The following DISC1 variants were observed in gnomAD, a reference collection of about 807,000 sequenced individuals.
The protein encoded by DISC1 is DISC1 scaffold protein.
DISC1 carries 57 observed loss-of-function variants against 84.5 expected under a neutral mutation model. The ratio of observed to expected loss-of-function variants is 0.67; its 90% CI spans 0.55 to 0.84. The LOEUF (loss-of-function observed/expected upper bound fraction) is 0.84, where lower values mean the gene tolerates loss of function less well. Among genes scored for constraint, DISC1 ranks in the 40% least tolerant of loss-of-function variants. The probability of loss-of-function intolerance (pLI) is 0.00; values close to 1 mark genes in which losing one functional copy is unlikely to be tolerated. For synonymous variants in DISC1, 411 were observed against 415.2 expected (o/e 0.99, Z 0.12); for missense variants, 1,000 against 1,057.8 (o/e 0.95, Z 0.76).
At chr1:231,776,439 T>C (rs2076969276) in intron 6 of DISC1, among the ~76,000 whole-genome samples, 1 of 152,174 alleles carries the variant, frequency 6.6e-6, no homozygotes, top group African/African-American at 2.4e-5. Flanking sequence ...GCACAAAGTG[T>C]GAAACAAACT....
At chr1:231,686,082 G>C (rs983381924) in intron 1 of DISC1, among the ~76,000 whole-genome samples, 1 of 152,136 alleles carries the variant, frequency 6.6e-6, no homozygotes, top group Admixed American at 6.5e-5. Flanking sequence ...CGCTTTGCAG[G>C]GTACAGCCTC....
intron 9 of DISC1, among the ~76,000 whole-genome samples, chr1:231,950,198 A>G (rs1364675747): frequency 8.2e-6 from 1 of 121,748 alleles, no homozygotes; most frequent in African/African-American, 3.0e-5. Context: ...AGAATGAAAA[A>G]AAATTCTGTG....
chr1:231,767,388 G>A, intron 5 of DISC1, 119 bp downstream of exon 5: 1 of 1,419,492 alleles, frequency 7.0e-7, no homozygotes, highest in Non-Finnish European at 9.6e-7. Context: ...TTGCAGCCTT[G>A]AGCTCCTGGG....
chr1:231,764,498 A>G (rs1370593079), intron 4 of DISC1, among the ~76,000 whole-genome samples: 1 of 152,132 alleles, frequency 6.6e-6, no homozygotes, highest in African/African-American at 2.4e-5. Context: ...TATTTTTACA[A>G]TGGTTCATTT....
At chr1:231,658,152 T>C (rs2061290326) in intron 1 of DISC1, among the ~76,000 whole-genome samples, 1 of 152,236 alleles carries the variant, frequency 6.6e-6, no homozygotes, top group South Asian at 2.1e-4. Flanking sequence ...CTGTACGATT[T>C]CTTTGAGCAA....
Position 231,777,432 on chromosome 1 carries a change from G to T in DISC1, c.1634+6362G>T, listed in dbSNP as rs1281236433. On this transcript the variant is annotated intron_variant, in intron 6 of 12. Transcript: ENST00000439617. ...GATGGGGGTCTTGCTATGTTGCCAG[G>T]TTAGACTTGAACTCCTGTCCTCAAG... Among the ~76,000 whole-genome samples, 4 of 152,086 alleles carry T rather than the reference G, an allele frequency of 2.6e-5. No individual in the cohort carries two copies. In the East Asian group the frequency reaches 7.7e-4, roughly 29 times the overall value.
In DISC1 at chr1:231,673,858, C is replaced by T. The variant is rs190236986; in HGVS notation, c.68-19968C>T. ...TGAGTAATTATACTTTTGGGGCTCA[C>T]GTTTGAGTATTGACAACTGTGAAAA... On this transcript the variant is annotated intron_variant, in intron 1 of 12. Transcript: ENST00000439617. Among the ~76,000 whole-genome samples the T allele has an allele frequency of 5.6e-4, 86 of 152,280 alleles. 2 individuals carry two copies. The highest frequency in any genetic ancestry group is 3.4e-3 in the Middle Eastern group (1 of 294).
intron 9 of DISC1, among the ~76,000 whole-genome samples, chr1:231,924,823 A>T (rs1031071370): frequency 2.0e-5 from 3 of 151,452 alleles, no homozygotes; most frequent in Non-Finnish European, 2.9e-5. Context: ...TGCCTGGCTA[A>T]TTTTTTGTAT....
At position 231,875,956 on chromosome 1, in the gene DISC1, G is replaced by A. The variant is rs575296594; in HGVS notation, c.1981+57439G>A. ...GGCCATGGTGTAGCCCATTAACTCA[G>A]CTTCCTAGGAATGCTCTTGAACTAG... is the stretch of plus-strand genomic sequence containing the variant. On this transcript the variant is annotated intron_variant, in intron 9 of 12. Coordinates refer to ENST00000439617, the MANE Select transcript of DISC1 (RefSeq NM_018662.3). Among the ~76,000 whole-genome samples the A allele has an allele frequency of 2.0e-5, 3 of 152,288 alleles. No homozygotes were observed. In the South Asian group the frequency reaches 6.2e-4, roughly 32 times the overall value.
rs1465951278 is a variant in DISC1, at chr1:231,897,348, AC to A, written c.1982-61479del. On this transcript the variant is annotated intron_variant, in intron 9 of 12. Transcript: ENST00000439617. This position sits in a 1 kb window ranked among gnomAD's most constrained non-coding sequence, Gnocchi z 4.5. ...GTGTCTTTTCCTTGAAATGAATGGA[AC>A]TTTTTGATTTTTTATCCTTACTTTT... Among the ~76,000 whole-genome samples the A allele has an allele frequency of 1.3e-5, 2 of 151,844 alleles. No individual in the cohort carries two copies. The highest frequency in any genetic ancestry group is 6.6e-5 in the Admixed American group (1 of 15,252).
intron 9 of DISC1, among the ~76,000 whole-genome samples, chr1:231,856,979 T>C (rs935537741): frequency 1.3e-5 from 2 of 152,326 alleles, no homozygotes; most frequent in East Asian, 3.9e-4. Context: ...CCTAGAAACA[T>C]CCACAGCGAG....
chr1:231,911,090 C>T (rs1279639742), intron 9 of DISC1, among the ~76,000 whole-genome samples: 1 of 152,152 alleles, frequency 6.6e-6, no homozygotes, highest in Admixed American at 6.5e-5. Flanking sequence ...AGATGGGTCT[C>T]CTGAATATAG....
intron 1 of DISC1, among the ~76,000 whole-genome samples, chr1:231,693,186 T>C (rs2065250103): frequency 6.6e-6 from 1 of 152,208 alleles, no homozygotes; most frequent in Non-Finnish European, 1.5e-5. Context: ...TTTGTTATTG[T>C]TCCTATTCCT....
chr1:231,631,590 C>T (rs1189944233), intron 1 of DISC1, among the ~76,000 whole-genome samples: 2 of 151,668 alleles, frequency 1.3e-5, no homozygotes, highest in African/African-American at 4.8e-5. Flanking sequence ...GTGTTTGTGT[C>T]TTAGTTTTTA....
chr1:231,792,067 G>A (rs2078390519), intron 6 of DISC1, among the ~76,000 whole-genome samples: 1 of 152,090 alleles, frequency 6.6e-6, no homozygotes, highest in African/African-American at 2.4e-5. Flanking sequence ...CATATCGTCT[G>A]CTCCCCCAAC....
At chr1:231,804,319 G>A (rs1025305021) in intron 8 of DISC1, among the ~76,000 whole-genome samples, 1 of 152,030 alleles carries the variant, frequency 6.6e-6, no homozygotes, top group African/African-American at 2.4e-5. Context: ...CTGAAGACCT[G>A]GACAGAGAGC....
intron 9 of DISC1, among the ~76,000 whole-genome samples, chr1:231,908,728 C>A (rs113040060): frequency 6.6e-6 from 1 of 152,050 alleles, no homozygotes; most frequent in Admixed American, 6.6e-5. Flanking sequence ...TAGCTTGATG[C>A]GGATGGCATT....
chr1:231,647,445 C>A (rs1458576661), intron 1 of DISC1, among the ~76,000 whole-genome samples: 2 of 152,192 alleles, frequency 1.3e-5, no homozygotes, highest in Non-Finnish European at 2.9e-5. Flanking sequence ...GTACCAGCAC[C>A]ATGCTGTTTT....
intron 6 of DISC1, among the ~76,000 whole-genome samples, chr1:231,785,399 C>T (rs2077772912): frequency 6.6e-6 from 1 of 151,910 alleles, no homozygotes; most frequent in South Asian, 2.1e-4. Flanking sequence ...CCCACCTCAG[C>T]CTCTCGAGTA....
Sources: allele counts gnomAD v4.1 joint callset (sites outside exome capture counted in the v4.1 genomes callset), GRCh38; gene constraint gnomAD v4.1.1; non-coding constraint Gnocchi (gnomAD v3.1); transcripts MANE v1.5; gene names NCBI Gene and HGNC (gene_info 2026-07-23, HGNC 2026-07-21).